The following BCL2L1 variants were observed in gnomAD, a reference collection of about 807,000 sequenced individuals.
The protein encoded by BCL2L1 is bcl-2-like protein 1.
BCL2L1 carries 1 observed loss-of-function variant against 18.7 expected under a neutral mutation model. The ratio of observed to expected loss-of-function variants is 0.05; its 90% CI spans 0.02 to 0.25. The LOEUF is 0.25. BCL2L1 is among the 10% of genes least tolerant of loss of function. The probability of loss-of-function intolerance (pLI) is 1.00; values close to 1 mark genes in which losing one functional copy is unlikely to be tolerated. For synonymous variants in BCL2L1, 103 were observed against 122.7 expected, an observed-to-expected ratio of 0.84 and a Z score of 1.06; for missense variants, 207 against 304.9, an observed-to-expected ratio of 0.68 and a Z score of 2.39.
chr20:31,723,587 C>T (rs571505406), upstream of BCL2L1: 8,687 of 985,256 alleles, frequency 8.8e-3, 44 homozygotes, highest in Non-Finnish European at 9.7e-3. Context: ...CGGGGGCGCC[C>T]CCTAGACCTT....
At chr20:31,669,651 G>A (rs2060637451) in intron 2 of BCL2L1, among the ~76,000 whole-genome samples, 1 of 151,698 alleles carries the variant, frequency 6.6e-6, no homozygotes, top group African/African-American at 2.4e-5. Flanking sequence ...TGTTAACCAG[G>A]CTGGTCTCAA....
At chr20:31,704,197 A>G (rs2061334781) in intron 2 of BCL2L1, among the ~76,000 whole-genome samples, 1 of 147,228 alleles carries the variant, frequency 6.8e-6, no homozygotes, top group African/African-American at 2.5e-5. Context: ...TATGCCTCCC[A>G]GGTTCAAGCG....
intron 2 of BCL2L1, among the ~76,000 whole-genome samples, chr20:31,688,259 C>A (rs1362127956): frequency 6.6e-6 from 1 of 151,876 alleles, no homozygotes; most frequent in Non-Finnish European, 1.5e-5. Context: ...GCCTGGCGAA[C>A]ATAGCAAAAC....
rs2122373994 is a variant in BCL2L1 at position 31,664,628 on chromosome 20, C to T, written c.*1321G>A. On this transcript the variant is annotated 3_prime_UTR_variant, in exon 3 of 3. Coordinates refer to ENST00000307677, the MANE Select transcript of BCL2L1 (RefSeq NM_138578.3). ...CCAGGGCAGGGGAGGGAGCATCAGG[C>T]CGTCCAATCTCCGGGCACCAGCTCT... is the stretch of plus-strand genomic sequence containing the variant. The T allele has an allele frequency of 4.7e-6, 1 of 214,150 alleles. No individual in the cohort carries two copies. Among genetic ancestry groups the T allele is most frequent in the Non-Finnish European group, 9.5e-6 (1 of 105,470 alleles). The allele number at this position is 214,150 out of a possible 1,614,324, so 13.3% of individuals were successfully genotyped here.
intron 2 of BCL2L1, among the ~76,000 whole-genome samples, chr20:31,703,800 GTTTTTTT>G (rs1200728150): frequency 8.6e-6 from 1 of 116,304 alleles, no homozygotes; most frequent in Non-Finnish European, 1.8e-5. Flanking sequence ...CCCTGAACTT[GTTTTTTT>G]TTTTTTTTTG....
chr20:31,672,579 C>G (rs1366235759), intron 2 of BCL2L1, among the ~76,000 whole-genome samples: 1 of 152,152 alleles, frequency 6.6e-6, no homozygotes, highest in African/African-American at 2.4e-5. Flanking sequence ...TTTCCCCCAA[C>G]AGTCTGGGGG....
intron 2 of BCL2L1, among the ~76,000 whole-genome samples, chr20:31,668,890 C>T (rs996945295): frequency 6.6e-6 from 1 of 151,908 alleles, no homozygotes; most frequent in African/African-American, 2.4e-5. Flanking sequence ...CAGGCATGAG[C>T]CACCATGCCC....
chr20:31,722,983 G>C (rs2061661990), upstream of BCL2L1: 2 of 152,414 alleles, frequency 1.3e-5, no homozygotes, highest in South Asian at 4.1e-4. Context: ...TCCCGGAGGT[G>C]GCTGGTATGG....
intron 1 of BCL2L1, 49 bp from the exon 2 acceptor site, chr20:31,722,397 T>C: frequency 2.2e-6 from 1 of 464,612 alleles, no homozygotes; most frequent in Non-Finnish European, 3.6e-6. Flanking sequence ...CCCTAAAAAT[T>C]CCATTCCCCC....
In BCL2L1 at chr20:31,714,433, G is replaced by A. The variant is rs192737006; in HGVS notation, c.564+7222C>T. ...TGAGATGTGCTGATGGGTCACTATG[G>A]TATTTAGAAAAAGGAGAGTGGATGC... On this transcript the variant is annotated intron_variant, in intron 2 of 2. Transcript: ENST00000307677. Among the ~76,000 whole-genome samples, 13 of 152,306 alleles carry A rather than the reference G, an allele frequency of 8.5e-5. No individual in the cohort carries two copies. The East Asian group carries it at 2.5e-3, about 29-fold the overall frequency.
At chr20:31,683,325 G>A (rs2060896084) in intron 2 of BCL2L1, among the ~76,000 whole-genome samples, 1 of 152,154 alleles carries the variant, frequency 6.6e-6, no homozygotes, top group Non-Finnish European at 1.5e-5. Flanking sequence ...ACTGTTACAT[G>A]GTTTCCTCCC....
chr20:31,722,355 G>GAA lies in BCL2L1; in HGVS notation c.-130-9_-130-8dup. On this transcript the variant is annotated splice_polypyrimidine_tract_variant and splice_region_variant and intron_variant, in intron 1 of 2. Coordinates refer to ENST00000307677, the MANE Select transcript of BCL2L1 (RefSeq NM_138578.3). The stretch of plus-strand genomic sequence containing the variant: ...TCTGAAGGGAGAGAAAGAGCTTCAG[G>GAA]AAAAAAAAATAATTAATATGCATGC... The GAA allele has an allele frequency of 3.3e-6, 2 of 600,210 alleles. No homozygotes were observed. Among genetic ancestry groups the GAA allele is most frequent in the Non-Finnish European group, 5.1e-6 (2 of 396,004 alleles). 37.2% of individuals were successfully genotyped at this position (600,210 alleles called of 1,614,324 possible). A position where few individuals can be genotyped will look rare whatever the true frequency, so the allele number is the denominator to read the frequency against.
At position 31,665,798 on chromosome 20, in the gene BCL2L1, C is replaced by T; in HGVS notation, c.*151G>A. 1.0e-6 allele frequency: 1 copy of T among 1,001,928 alleles called. No individual in the cohort carries two copies. The highest frequency in any genetic ancestry group is 1.4e-6 in the Non-Finnish European group (1 of 693,748). The allele number at this position is 1,001,928 out of a possible 1,614,324, so 62.1% of individuals were successfully genotyped here. A position where few individuals can be genotyped will look rare whatever the true frequency, so the allele number is the denominator to read the frequency against. On this transcript the variant is annotated 3_prime_UTR_variant, in exon 3 of 3. Transcript: ENST00000307677. ...AGTGTGATAAATTCTAGAAAACTAGCTGCAAGGGACCAGATCTGGGCCCAA... is the reference window on the plus strand; with the variant it reads ...AGTGTGATAAATTCTAGAAAACTAGTTGCAAGGGACCAGATCTGGGCCCAA...
Position 31,718,167 on chromosome 20 carries a change from G to A in BCL2L1, c.564+3488C>T, listed in dbSNP as rs528447417. ...CATTTTACAGGCGGGAGAGACAGAT[G>A]GACAAGACAGCCGAACAGGTTCAGC... On this transcript the variant is annotated intron_variant, in intron 2 of 2. Coordinates refer to ENST00000307677, the MANE Select transcript of BCL2L1 (RefSeq NM_138578.3). Among the ~76,000 whole-genome samples, 23 of 152,290 alleles carry A rather than the reference G, an allele frequency of 1.5e-4. No homozygotes were observed. In the Middle Eastern group the frequency reaches 0.014, roughly 90 times the overall value.
chr20:31,709,650 G>A (rs529734155), intron 2 of BCL2L1, among the ~76,000 whole-genome samples: 2 of 151,724 alleles, frequency 1.3e-5, no homozygotes, highest in South Asian at 2.1e-4. Context: ...TGGCTAACAC[G>A]GTGAAACCCC....
intron 2 of BCL2L1, among the ~76,000 whole-genome samples, chr20:31,719,319 TGA>T (rs1321093104): frequency 1.3e-5 from 2 of 152,088 alleles, no homozygotes; most frequent in Non-Finnish European, 2.9e-5. Context: ...AACATAGCCC[TGA>T]GTAGAATAGC....
chr20:31,669,371 CA>C (rs760539381), intron 2 of BCL2L1, among the ~76,000 whole-genome samples: 54 of 151,776 alleles, frequency 3.6e-4, no homozygotes, highest in Non-Finnish European at 5.6e-4. Flanking sequence ...ACCACCTCAC[CA>C]CATTTTTCCC....
intron 2 of BCL2L1, among the ~76,000 whole-genome samples, chr20:31,696,450 A>C (rs1462772509): frequency 6.6e-6 from 1 of 152,218 alleles, no homozygotes; most frequent in African/African-American, 2.4e-5. Flanking sequence ...CAAAGCTGGA[A>C]AAGGGCTGGT....
chr20:31,666,111 C>A, intron 2 of BCL2L1, 25 bp from the exon 3 acceptor site: 2 of 1,613,042 alleles, frequency 1.2e-6, no homozygotes, highest in Non-Finnish European at 1.7e-6. Context: ...AAGGAAGGTG[C>A]AGTTTTAGTC....
Sources: gnomAD v4.1 joint callset for allele counts (sites outside exome capture counted in the v4.1 genomes callset) on GRCh38, gnomAD v4.1.1 for gene constraint, MANE v1.5 for transcripts, NCBI Gene and HGNC (gene_info 2026-07-23, HGNC 2026-07-21) for gene names.